CCDC198: variants seen among roughly 807,000 people sequenced by gnomAD.
The protein encoded by CCDC198 is factor associated with metabolism and energy.
In CCDC198, 18 loss-of-function variants were observed where a neutral mutation model predicts 35.6. The ratio of observed to expected loss-of-function variants is 0.51; its 90% confidence interval spans 0.35 to 0.75. The LOEUF (loss-of-function observed/expected upper bound fraction) is 0.75, where lower values mean the gene tolerates loss of function less well. CCDC198 is among the 30% of genes least tolerant of loss of function. The pLI, the probability that CCDC198 is intolerant of heterozygous loss-of-function variation, is 0.01. For missense variants in CCDC198, 365 were observed against 343.7 expected, an observed-to-expected ratio of 1.06 and a Z score of -0.49; for synonymous variants, 119 against 113.4, an observed-to-expected ratio of 1.05 and a Z score of -0.31.
intron 5 of CCDC198, among the ~76,000 whole-genome samples, chr14:57,474,001 C>A (rs927782759): frequency 1.3e-5 from 2 of 152,216 alleles, no homozygotes; most frequent in African/African-American, 4.8e-5. Context: ...CTCCTCCCCA[C>A]TTCATCCAGC....
intron 2 of CCDC198, among the ~76,000 whole-genome samples, chr14:57,488,047 TGAGCC>T (rs1296987888): frequency 2.2e-4 from 34 of 152,298 alleles, no homozygotes; most frequent in Non-Finnish European, 1.0e-4. Flanking sequence ...TGAGCAAAGC[TGAGCC>T]GATATCCTTT....
At position 57,469,621 on chromosome 14, in the gene CCDC198, A is replaced by G. The variant is rs2066781680; in HGVS notation, c.*1734T>C. The G allele has an allele frequency of 2.0e-5, 3 of 152,160 alleles. 1 individual carries two copies. The highest frequency in any genetic ancestry group is 1.3e-4 in the Admixed American group (2 of 15,268). The allele number at this position is 152,160 out of a possible 1,614,324, so 9.4% of individuals were successfully genotyped here. A position where few individuals can be genotyped will look rare whatever the true frequency, so the allele number is the denominator to read the frequency against. ...CTCTCAAGGATCTCATTTTTTCTAG[A>G]AAGCTGGCTAGTCAAACAATGCATG... On this transcript the variant is annotated 3_prime_UTR_variant, in exon 6 of 6. Transcript: ENST00000216445.
chr14:57,475,788 CTTTTTTTTTTTT>C (rs548486752), intron 5 of CCDC198: 412 of 108,716 alleles, frequency 3.8e-3, no homozygotes, highest in Middle Eastern at 0.012. Flanking sequence ...CACTTAGCTT[CTTTTTTTTTTTT>C]TTTTTTTTTT....
chr14:57,479,315 C>G lies in CCDC198; in HGVS notation c.655+1280G>C, dbSNP rs547724876. ...GTTGGCCAGGCTAGGTTTTGAAATC[C>G]TGGCCTCAGGTTGTCCTCCCACCTC... On this transcript the variant is annotated intron_variant, in intron 5 of 5. Coordinates refer to ENST00000216445, the MANE Select transcript of CCDC198 (RefSeq NM_018168.4). Among the ~76,000 whole-genome samples, 4 of 152,212 alleles carry G rather than the reference C, an allele frequency of 2.6e-5. No homozygotes were observed. In the South Asian group the frequency reaches 8.3e-4, roughly 32 times the overall value.
chr14:57,490,890 G>C (rs1046699640), intron 2 of CCDC198, 99 bp downstream of exon 2: 6 of 1,103,028 alleles, frequency 5.4e-6, no homozygotes, highest in Non-Finnish European at 6.6e-6. Context: ...TTAATAGCTT[G>C]GTCCTTATCA....
intron 1 of CCDC198, among the ~76,000 whole-genome samples, chr14:57,491,598 G>A (rs186817551): frequency 6.6e-6 from 1 of 152,128 alleles, no homozygotes; most frequent in African/African-American, 2.4e-5. Context: ...ATTTCCACAG[G>A]TTGCCACTGT....
chr14:57,488,413 G>T (rs2067442113), intron 2 of CCDC198, among the ~76,000 whole-genome samples: 2 of 152,148 alleles, frequency 1.3e-5, no homozygotes, highest in South Asian at 4.1e-4. Flanking sequence ...CTAATACAGT[G>T]ATTACAGGTC....
chr14:57,490,658 G>A (rs1388392362), intron 2 of CCDC198, among the ~76,000 whole-genome samples: 1 of 152,114 alleles, frequency 6.6e-6, no homozygotes, highest in Non-Finnish European at 1.5e-5. Flanking sequence ...GTAGTAGGGT[G>A]TAATTAAATA....
At chr14:57,481,352 G>A (rs552145349) in intron 4 of CCDC198, among the ~76,000 whole-genome samples, 1 of 152,274 alleles carries the variant, frequency 6.6e-6, no homozygotes, top group African/African-American at 2.4e-5. Context: ...CAGATACACA[G>A]ATACAAACTT....
At chr14:57,481,423 A>G in intron 4 of CCDC198, 136 bp downstream of exon 4, 2 of 611,046 alleles carry the variant, frequency 3.3e-6, no homozygotes, top group Admixed American at 5.9e-5. Flanking sequence ...CAGCTTTAGT[A>G]GTTGAACCTT....
intron 5 of CCDC198, among the ~76,000 whole-genome samples, chr14:57,479,581 T>G (rs552953830): frequency 5.3e-4 from 81 of 152,360 alleles, no homozygotes; most frequent in African/African-American, 1.9e-3. Context: ...TCAGTAGGTC[T>G]GGGGTATGAC....
At chr14:57,490,914 A>C in intron 2 of CCDC198, 75 bp downstream of exon 2, 1 of 1,304,824 alleles carries the variant, frequency 7.7e-7, no homozygotes, top group Non-Finnish European at 1.1e-6. Flanking sequence ...TCCCTCTTTG[A>C]TGATTATAGT....
intron 2 of CCDC198, among the ~76,000 whole-genome samples, chr14:57,490,434 A>C (rs1872578857): frequency 6.6e-6 from 1 of 152,192 alleles, no homozygotes; most frequent in Non-Finnish European, 1.5e-5. Context: ...TAAAAGGTTA[A>C]AGATAGAAGG....
At chr14:57,474,797 T>G (rs1431038219) in intron 5 of CCDC198, among the ~76,000 whole-genome samples, 2 of 152,072 alleles carry the variant, frequency 1.3e-5, no homozygotes, top group African/African-American at 4.8e-5. Flanking sequence ...CAAAATTAAT[T>G]TAGGGAGAGA....
Position 57,479,392 on chromosome 14 carries a change from T to C in CCDC198, c.655+1203A>G, listed in dbSNP as rs569748086. Reference sequence around the variant, plus strand: ...GCATGAGTCACCACACTTAGCTCCATGTTAAGGAGTTTAGATGTTGTTTTT... The same window carrying C: ...GCATGAGTCACCACACTTAGCTCCACGTTAAGGAGTTTAGATGTTGTTTTT... On this transcript the variant is annotated intron_variant, in intron 5 of 5. Coordinates refer to ENST00000216445, the MANE Select transcript of CCDC198 (RefSeq NM_018168.4). Among the ~76,000 whole-genome samples, 3 of 152,156 alleles carry C rather than the reference T, an allele frequency of 2.0e-5. No individual in the cohort carries two copies. The East Asian group carries it at 5.8e-4, about 29-fold the overall frequency.
At chr14:57,482,986 G>A in intron 3 of CCDC198, 79 bp downstream of exon 3, 1 of 1,591,534 alleles carries the variant, frequency 6.3e-7, no homozygotes. Context: ...TGCATGAAAG[G>A]ACCAGTGTGC....
At chr14:57,486,751 A>G (rs1164505628) in intron 2 of CCDC198, among the ~76,000 whole-genome samples, 3 of 152,196 alleles carry the variant, frequency 2.0e-5, no homozygotes, top group African/African-American at 4.8e-5. Context: ...CCATAAATTC[A>G]TGGACCAAGT....
rs2067550165 is a variant in CCDC198 at position 57,491,069 on chromosome 14, A to G, written c.226T>C (p.Ser76Pro). The G allele has an allele frequency of 6.2e-7, 1 of 1,610,560 alleles. No homozygotes were observed. The highest frequency in any genetic ancestry group is 8.5e-7 in the Non-Finnish European group (1 of 1,177,962). ...GGGATGTCAAAATACATGTCTCTGGATGCTTGAAGGATTGGGGAAGAAACA... is the reference window on the plus strand; with the variant it reads ...GGGATGTCAAAATACATGTCTCTGGGTGCTTGAAGGATTGGGGAAGAAACA... ...ENWYGRYSTA[S>P]RDMYFDIPLE... The change falls in exon 2 of 6, where the codon TCC becomes CCC. Residue 76 changes from serine (S) to proline (P), a missense_variant and splice_region_variant. Physicochemically the swap from Ser to Pro is moderately conservative, Grantham distance 74. Coordinates refer to ENST00000216445, the MANE Select transcript of CCDC198 (RefSeq NM_018168.4).
intron 1 of CCDC198, 43 bp downstream of exon 1, chr14:57,493,450 C>T: frequency 2.0e-6 from 3 of 1,505,552 alleles, no homozygotes; most frequent in Non-Finnish European, 2.8e-6. Flanking sequence ...AATAATGCTC[C>T]TTGGTCCAGA....
Sources: gnomAD v4.1 joint callset for allele counts (sites outside exome capture counted in the v4.1 genomes callset) on GRCh38, gnomAD v4.1.1 for gene constraint, MANE v1.5 for transcripts, NCBI Gene and HGNC (gene_info 2026-07-23, HGNC 2026-07-21) for gene names.